Variants in TLE2 observed in about 807,000 individuals in gnomAD.
TLE2 encodes transducin-like enhancer protein 2.
TLE2 carries 74 observed loss-of-function variants against 97.2 expected under a neutral mutation model. The observed-to-expected ratio is 0.76, with a 90% CI of 0.63 to 0.92. TLE2 has a LOEUF of 0.92. TLE2 is among the 40% of genes least tolerant of loss of function. The pLI, the probability that TLE2 is intolerant of heterozygous loss-of-function variation, is 0.00. For synonymous variants in TLE2, 499 were observed against 432.1 expected (o/e 1.15, Z -1.92); for missense variants, 1,038 against 1,008.7 (o/e 1.03, Z -0.39).
At chr19:3,013,849 TTGAAA>T (rs766346216) in intron 10 of TLE2, 31 bp from the exon 11 acceptor site, 42 of 1,471,248 alleles carry the variant, frequency 2.9e-5, no homozygotes, top group Non-Finnish European at 3.8e-5. Context: ...TTGAGCAGAG[TTGAAA>T]TGAGAGGGAA....
At position 3,006,583 on chromosome 19, in the gene TLE2, C is replaced by T. The variant is rs533321187; in HGVS notation, c.1337G>A (p.Arg446Gln). 1 of 1,605,920 alleles carries T rather than the reference C, an allele frequency of 6.2e-7. No homozygotes were observed. The highest frequency in any genetic ancestry group is 1.1e-5 in the South Asian group (1 of 89,822). Reference sequence around the variant, plus strand: ...CAGCGTGTGCAGCTGCCGGGCGTGCCGCGGGATGCCCGCGCCTACCAGTGC... The same window carrying T: ...CAGCGTGTGCAGCTGCCGGGCGTGCTGCGGGATGCCCGCGCCTACCAGTGC... ...SDALVGAGIP[R>Q]HARQLHTLAH... The change falls in exon 15 of 20, where the codon CGG becomes CAG. Residue 446 changes from arginine to glutamine, a missense_variant. Coordinates refer to ENST00000262953, the MANE Select transcript of TLE2 (RefSeq NM_003260.5).
At chr19:2,999,576 A>T (rs1049605151) in intron 19 of TLE2, among the ~76,000 whole-genome samples, 2 of 151,658 alleles carry the variant, frequency 1.3e-5, no homozygotes, top group African/African-American at 4.8e-5. Flanking sequence ...AAATACAAAA[A>T]ATTAGCCAGG....
intron 17 of TLE2, among the ~76,000 whole-genome samples, chr19:3,004,391 A>G (rs2089429617): frequency 6.6e-6 from 1 of 151,874 alleles, no homozygotes. Context: ...TGTAATTCCC[A>G]CACTGGGAAG....
intron 18 of TLE2, among the ~76,000 whole-genome samples, chr19:3,001,054 C>T (rs12984805): frequency 1.3e-5 from 2 of 152,004 alleles, no homozygotes; most frequent in Non-Finnish European, 1.5e-5. Flanking sequence ...GGCTGGGTCA[C>T]TTGAGGTCAG....
intron 5 of TLE2, 21 bp downstream of exon 5, chr19:3,024,999 C>A: frequency 6.3e-7 from 1 of 1,576,572 alleles, no homozygotes; most frequent in East Asian, 2.3e-5. Context: ...CCCTCCTCCC[C>A]CCACCCCCAG....
At chr19:3,039,255 G>C (rs1191860493) in intron 1 of TLE2, among the ~76,000 whole-genome samples, 1 of 147,824 alleles carries the variant, frequency 6.8e-6, no homozygotes. Flanking sequence ...GTGAATCAGA[G>C]TCCATCCCTC....
rs973268266 is a variant in TLE2, at chr19:3,025,183, G to C, written c.232-101C>G. 4.0e-6 allele frequency: 5 copies of C among 1,255,890 alleles called. No homozygotes were observed. The African/African-American group carries it at 4.5e-5, about 11-fold the overall frequency. 77.8% of individuals were successfully genotyped at this position (1,255,890 alleles called of 1,614,324 possible). On this transcript the variant is annotated intron_variant, in intron 4 of 19. Coordinates refer to ENST00000262953, the MANE Select transcript of TLE2 (RefSeq NM_003260.5). ...AGGTGTTGGCAAAGCCGAAGGGTTG[G>C]GGAGGTGACGCCCGCAGGTGCACAG...
intron 17 of TLE2, among the ~76,000 whole-genome samples, chr19:3,003,437 T>C (rs2089409158): frequency 6.6e-6 from 1 of 152,008 alleles, no homozygotes; most frequent in African/African-American, 2.4e-5. Context: ...CAGAAGTTCA[T>C]GACCAGCCTG....
At chr19:3,022,379 A>T (rs942574851) in intron 5 of TLE2, among the ~76,000 whole-genome samples, 1 of 151,588 alleles carries the variant, frequency 6.6e-6, no homozygotes, top group Non-Finnish European at 1.5e-5. Context: ...AAAATACAAA[A>T]ACTAGCCGGC....
At chr19:3,016,831 T>C (rs1765795397) in intron 8 of TLE2, among the ~76,000 whole-genome samples, 1 of 151,882 alleles carries the variant, frequency 6.6e-6, no homozygotes, top group South Asian at 2.1e-4. Context: ...CAAGCTGGAG[T>C]GCAGTGGCGC....
upstream of TLE2, among the ~76,000 whole-genome samples, chr19:3,032,996 C>T (rs868545165): frequency 1.3e-5 from 2 of 151,316 alleles, no homozygotes; most frequent in African/African-American, 2.4e-5. The surrounding 1 kb of genome is among the most constrained non-coding windows in gnomAD (Gnocchi z 4.1). Context: ...TGCAGTGGCA[C>T]GATCTCGGCT....
At chr19:3,001,121 A>T (rs2145109620) in intron 18 of TLE2, among the ~76,000 whole-genome samples, 1 of 152,060 alleles carries the variant, frequency 6.6e-6, no homozygotes, top group Admixed American at 6.5e-5. Context: ...AAAAATACAA[A>T]AATCAGCTGG....
chr19:3,012,760 CGCCTCCCCT>C (rs923024427), intron 11 of TLE2, among the ~76,000 whole-genome samples: 25 of 152,120 alleles, frequency 1.6e-4, no homozygotes, highest in African/African-American at 3.4e-4. Context: ...TTCATGTCAT[CGCCTCCCCT>C]GCCTCCCCTG....
chr19:3,038,386 AT>A (rs957024908), intron 1 of TLE2, among the ~76,000 whole-genome samples: 2 of 152,154 alleles, frequency 1.3e-5, no homozygotes, highest in Non-Finnish European at 1.5e-5. Context: ...TTTAAAAAAA[AT>A]TTTTTTGTAG....
chr19:3,037,072 G>A (rs187327222), intron 1 of TLE2, among the ~76,000 whole-genome samples: 1 of 152,312 alleles, frequency 6.6e-6, no homozygotes, highest in African/African-American at 2.4e-5. Context: ...ATCACCTGAG[G>A]CCAGGAGTTC....
intron 1 of TLE2, among the ~76,000 whole-genome samples, chr19:3,036,301 C>T (rs569272589): frequency 1.3e-5 from 2 of 152,310 alleles, no homozygotes; most frequent in South Asian, 2.1e-4. Context: ...CCCGCCCAGG[C>T]TGTCAATCAA....
At position 3,019,551 on chromosome 19, in the gene TLE2, A is replaced by C. The variant is rs1370389154; in HGVS notation, c.370-88T>G. The stretch of plus-strand genomic sequence containing the variant: ...CCAAGAGGTAGACACAGGGGATGGG[A>C]CCTAAGCACAGCATGTGCCCCTGGG... On this transcript the variant is annotated intron_variant, in intron 6 of 19. Coordinates refer to ENST00000262953, the MANE Select transcript of TLE2 (RefSeq NM_003260.5). This position sits in a 1 kb window ranked among gnomAD's most constrained non-coding sequence, Gnocchi z 5.1. The C allele has an allele frequency of 6.7e-7, 1 of 1,489,732 alleles. No individual in the cohort carries two copies. Among genetic ancestry groups the C allele is most frequent in the African/African-American group, 1.4e-5 (1 of 71,946 alleles). 92.3% of individuals were successfully genotyped at this position (1,489,732 alleles called of 1,614,324 possible).
intron 11 of TLE2, 122 bp downstream of exon 11, chr19:3,013,547 G>A (rs1249112410): frequency 2.1e-6 from 2 of 972,440 alleles, no homozygotes; most frequent in African/African-American, 1.7e-5. Flanking sequence ...CAGGGAAAGG[G>A]TGGACAATGC....
chr19:3,024,045 G>C (rs2089898321), intron 5 of TLE2, among the ~76,000 whole-genome samples: 1 of 148,076 alleles, frequency 6.8e-6, no homozygotes, highest in Admixed American at 6.8e-5. Context: ...ACCCAGGCTG[G>C]AGTGCAGCGG....
Sources: allele counts gnomAD v4.1 joint callset (sites outside exome capture counted in the v4.1 genomes callset), GRCh38; gene constraint gnomAD v4.1.1; non-coding constraint Gnocchi (gnomAD v3.1); transcripts MANE v1.5; gene names NCBI Gene and HGNC (gene_info 2026-07-23, HGNC 2026-07-21).